ARHGEF7: variants seen among roughly 807,000 people sequenced by gnomAD.
The protein encoded by ARHGEF7 is PAK-interacting exchange factor beta.
In ARHGEF7, 33 loss-of-function variants were observed where a neutral mutation model predicts 109.8. That is an observed-to-expected ratio of 0.30 (90% CI 0.23 to 0.40). ARHGEF7 has a LOEUF of 0.40. ARHGEF7 is among the 10% of genes least tolerant of loss of function. ARHGEF7 has a pLI of 1.00. For missense variants in ARHGEF7, 938 were observed against 1,098.5 expected (o/e 0.85, Z 2.07); for synonymous variants, 458 against 424.6 (o/e 1.08, Z -0.97).
At chr13:111,180,387 G>C (rs1283972048) in intron 2 of ARHGEF7, among the ~76,000 whole-genome samples, 1 of 152,188 alleles carries the variant, frequency 6.6e-6, no homozygotes, top group Non-Finnish European at 1.5e-5. Context: ...GAAGGAAGTT[G>C]ATTGACAGGG....
intron 1 of ARHGEF7, among the ~76,000 whole-genome samples, chr13:111,143,107 G>A (rs2075425674): frequency 6.6e-6 from 1 of 152,214 alleles, no homozygotes; most frequent in Non-Finnish European, 1.5e-5. Flanking sequence ...CTAGACGTCT[G>A]AGAACACAAG....
At chr13:111,296,743 A>G (rs1042726919) in intron 19 of ARHGEF7, among the ~76,000 whole-genome samples, 3 of 152,348 alleles carry the variant, frequency 2.0e-5, no homozygotes, top group Non-Finnish European at 4.4e-5. Flanking sequence ...AATGAAAGTT[A>G]AGTGAGTATT....
At chr13:111,163,099 T>C (rs1034060784) in intron 2 of ARHGEF7, among the ~76,000 whole-genome samples, 1 of 152,208 alleles carries the variant, frequency 6.6e-6, no homozygotes, top group Non-Finnish European at 1.5e-5. Context: ...AACATAGTGT[T>C]TATTGACTGA....
intron 16 of ARHGEF7, among the ~76,000 whole-genome samples, chr13:111,285,085 A>G (rs1314748137): frequency 2.6e-5 from 4 of 152,152 alleles, no homozygotes; most frequent in Non-Finnish European, 5.9e-5. Context: ...GTATTGGGTG[A>G]TGCTGGGGTT....
chr13:111,281,879 T>C lies in ARHGEF7; in HGVS notation c.1725+1202T>C, dbSNP rs557705119. Among the ~76,000 whole-genome samples, 26 of 152,344 alleles carry C rather than the reference T, an allele frequency of 1.7e-4. No individual in the cohort carries two copies. The South Asian group carries it at 5.4e-3, about 32-fold the overall frequency. ...ATGTTCTGCATTCTCCTACAGAGTT[T>C]CTTGTGTGGGATGATGTATTCTGTG... On this transcript the variant is annotated intron_variant, in intron 15 of 21. Transcript: ENST00000646102.
chr13:111,115,652 C>T lies in ARHGEF7; in HGVS notation c.126C>T (p.Cys42=). The T allele has an allele frequency of 7.4e-7, 1 of 1,355,516 alleles. No individual in the cohort carries two copies. The highest frequency in any genetic ancestry group is 9.6e-7 in the Non-Finnish European group (1 of 1,042,748). 84.0% of individuals were successfully genotyped at this position (1,355,516 alleles called of 1,614,324 possible). ...CGCTGAAGGATGGGGTGGTCCTCTGCAGGCTGCTGGAGCGCCTGCTCCCCG... is the reference window on the plus strand; with the variant it reads ...CGCTGAAGGATGGGGTGGTCCTCTGTAGGCTGCTGGAGCGCCTGCTCCCCG... ...QASLKDGVVL[C]RLLERLLPGT... is the part of the protein sequence containing the mutation. Residue 42 remains cysteine (C), a synonymous_variant, in exon 1 of 22, where the codon TGC becomes TGT. Transcript: ENST00000646102.
At chr13:111,118,024 CAG>C (rs753929937) in intron 1 of ARHGEF7, among the ~76,000 whole-genome samples, 7 of 152,260 alleles carry the variant, frequency 4.6e-5, no homozygotes, top group Non-Finnish European at 7.3e-5. Flanking sequence ...GTGGACATGA[CAG>C]GGGCTTCGCT....
intron 1 of ARHGEF7, among the ~76,000 whole-genome samples, chr13:111,124,323 C>T (rs945204787): frequency 6.6e-6 from 1 of 152,240 alleles, no homozygotes; most frequent in African/African-American, 2.4e-5. Context: ...CTGCTGGGGC[C>T]CAGGGACATG....
rs2153298264 is a variant in ARHGEF7, at chr13:111,115,476, C to A, written c.-51C>A. ...GCGGGGGCCGCGGGCCGGGCCGCCG[C>A]TCCGAGGTGAAGGCGCGCGCCCCTC... On this transcript the variant is annotated 5_prime_UTR_variant, in exon 1 of 22. Coordinates refer to ENST00000646102, the MANE Select transcript of ARHGEF7 (RefSeq NM_001354046.2). 2 of 1,106,346 alleles carry A rather than the reference C, an allele frequency of 1.8e-6. No individual in the cohort carries two copies. The highest frequency in any genetic ancestry group is 6.1e-5 in the South Asian group (2 of 33,054). The allele number at this position is 1,106,346 out of a possible 1,614,324, so 68.5% of individuals were successfully genotyped here. A position where few individuals can be genotyped will look rare whatever the true frequency, so the allele number is the denominator to read the frequency against.
At chr13:111,149,247 A>G (rs1324862745) in intron 1 of ARHGEF7, among the ~76,000 whole-genome samples, 1 of 147,534 alleles carries the variant, frequency 6.8e-6, no homozygotes, top group Non-Finnish European at 1.5e-5. Context: ...ACTATCTCTG[A>G]AAAAAAAAAA....
intron 2 of ARHGEF7, among the ~76,000 whole-genome samples, chr13:111,173,942 A>G (rs2077847635): frequency 6.6e-6 from 1 of 152,142 alleles, no homozygotes; most frequent in South Asian, 2.1e-4. Context: ...TGTAGTGATT[A>G]CTATGATAAA....
chr13:111,177,048 C>T (rs1016860213), intron 2 of ARHGEF7, among the ~76,000 whole-genome samples: 2 of 152,240 alleles, frequency 1.3e-5, no homozygotes, highest in East Asian at 1.9e-4. Context: ...TGAGCCACCG[C>T]GCCCGGCTGA....
chr13:111,219,626 T>G (rs1407529424), intron 5 of ARHGEF7, among the ~76,000 whole-genome samples: 3 of 151,694 alleles, frequency 2.0e-5, no homozygotes, highest in African/African-American at 7.3e-5. Context: ...TTCTGCTGCT[T>G]CTGTGTTCTC....
At chr13:111,142,979 C>T (rs1454972914) in intron 1 of ARHGEF7, among the ~76,000 whole-genome samples, 4 of 152,308 alleles carry the variant, frequency 2.6e-5, no homozygotes, top group African/African-American at 4.8e-5. Context: ...TGCATGACTG[C>T]GGAGCTCCCA....
chr13:111,294,506 A>G (rs2093381027), intron 19 of ARHGEF7: 4 of 985,358 alleles, frequency 4.1e-6, no homozygotes, highest in Non-Finnish European at 3.6e-6. Flanking sequence ...ATTTTGTACC[A>G]GTTAAAGGCA....
At chr13:111,159,566 A>G (rs2076592976) in intron 2 of ARHGEF7, among the ~76,000 whole-genome samples, 1 of 152,106 alleles carries the variant, frequency 6.6e-6, no homozygotes, top group Admixed American at 6.5e-5. Flanking sequence ...CATCTTTTTG[A>G]TAATAGCCAT....
intron 2 of ARHGEF7, among the ~76,000 whole-genome samples, chr13:111,178,048 C>T (rs181315301): frequency 6.6e-6 from 1 of 152,228 alleles, no homozygotes; most frequent in Non-Finnish European, 1.5e-5. Context: ...TCCTAAACTT[C>T]CTGTTTCTCA....
chr13:111,302,720 T>A (rs1250984873), intron 21 of ARHGEF7, among the ~76,000 whole-genome samples: 1 of 152,206 alleles, frequency 6.6e-6, no homozygotes, highest in African/African-American at 2.4e-5. Flanking sequence ...GCTATTTTCT[T>A]ACGGTATGTT....
chr13:111,186,751 A>G (rs760888524), intron 2 of ARHGEF7: 15 of 914,278 alleles, frequency 1.6e-5, no homozygotes, highest in Non-Finnish European at 1.8e-5. Context: ...AAGTTCCTGG[A>G]GGAGGCGAGC....
Sources: gnomAD v4.1 joint callset for allele counts (sites outside exome capture counted in the v4.1 genomes callset) on GRCh38, gnomAD v4.1.1 for gene constraint, MANE v1.5 for transcripts, NCBI Gene and HGNC (gene_info 2026-07-23, HGNC 2026-07-21) for gene names.